The following PTPRD variants were observed in gnomAD, a reference collection of about 807,000 sequenced individuals.
The protein encoded by PTPRD is protein tyrosine phosphatase receptor type D, also known as receptor-type tyrosine-protein phosphatase delta.
In PTPRD, 34 loss-of-function variants were observed where a neutral mutation model predicts 214.5. The observed-to-expected ratio is 0.16, with a 90% confidence interval of 0.12 to 0.21. The LOEUF (loss-of-function observed/expected upper bound fraction) is 0.21, where lower values mean the gene tolerates loss of function less well. Ranked by LOEUF, PTPRD falls within the 10% of genes least tolerant of loss-of-function variation. PTPRD has a pLI of 1.00. For missense variants in PTPRD, 2,545 were observed against 2,398.7 expected (o/e 1.06, Z -1.27); for synonymous variants, 1,128 against 845.7 (o/e 1.33, Z -5.79).
At chr9:8,448,220 T>C (rs1048610740) in intron 34 of PTPRD, among the ~76,000 whole-genome samples, 10 of 151,894 alleles carry the variant, frequency 6.6e-5, no homozygotes, top group African/African-American at 2.4e-4. Context: ...CCCAGCTACT[T>C]GGGAAGCTGA....
intron 5 of PTPRD, among the ~76,000 whole-genome samples, chr9:9,930,148 G>A (rs374680776): frequency 2.0e-5 from 3 of 152,164 alleles, no homozygotes; most frequent in African/African-American, 4.8e-5. Context: ...ACAAATGAGC[G>A]CTCAAGGGAG....
At chr9:9,802,898 A>C (rs2099050637) in intron 5 of PTPRD, among the ~76,000 whole-genome samples, 2 of 151,906 alleles carry the variant, frequency 1.3e-5, no homozygotes, top group African/African-American at 4.8e-5. Context: ...CTAATAATGC[A>C]TATAATTTGA....
chr9:9,679,457 A>T (rs1433799685), intron 7 of PTPRD, among the ~76,000 whole-genome samples: 1 of 151,932 alleles, frequency 6.6e-6, no homozygotes, highest in Non-Finnish European at 1.5e-5. Flanking sequence ...ATTAGAGACC[A>T]TGTGGCACCT....
intron 33 of PTPRD, among the ~76,000 whole-genome samples, chr9:8,451,138 G>T (rs556720213): frequency 6.6e-6 from 1 of 152,284 alleles, no homozygotes; most frequent in Admixed American, 6.5e-5. Flanking sequence ...CTAACCAGGG[G>T]GTGAAGAGAA....
At chr9:9,193,079 T>A (rs1035146787) in intron 9 of PTPRD, among the ~76,000 whole-genome samples, 6 of 152,168 alleles carry the variant, frequency 3.9e-5, no homozygotes, top group Non-Finnish European at 8.8e-5. Flanking sequence ...GCATATGACC[T>A]GACTATGAAA....
At chr9:9,141,078 CTCTG>C (rs2099859583) in intron 10 of PTPRD, among the ~76,000 whole-genome samples, 1 of 151,618 alleles carries the variant, frequency 6.6e-6, no homozygotes, top group Non-Finnish European at 1.5e-5. Context: ...TTTTCTCTGT[CTCTG>C]TCTCTCTGCT....
At chr9:8,689,182 C>T (rs998341414) in intron 12 of PTPRD, among the ~76,000 whole-genome samples, 4 of 151,974 alleles carry the variant, frequency 2.6e-5, no homozygotes, top group Non-Finnish European at 4.4e-5. Flanking sequence ...AATATGATTC[C>T]ACCTCTAATT....
At chr9:9,792,245 G>A (rs116712843) in intron 5 of PTPRD, among the ~76,000 whole-genome samples, 2,981 of 151,898 alleles carry the variant, frequency 0.02, 113 homozygotes, top group African/African-American at 0.068. Flanking sequence ...TATTAGTACT[G>A]CATGTTATTT....
intron 4 of PTPRD, among the ~76,000 whole-genome samples, chr9:9,943,906 G>T (rs574405872): frequency 3.3e-5 from 5 of 152,232 alleles, no homozygotes; most frequent in Admixed American, 3.3e-4. Context: ...GCCCTAAGCT[G>T]TCCATGCTCC....
chr9:9,097,672 A>T (rs2099785550), intron 10 of PTPRD, among the ~76,000 whole-genome samples: 1 of 152,002 alleles, frequency 6.6e-6, no homozygotes, highest in African/African-American at 2.4e-5. Flanking sequence ...GGCCTCCCAA[A>T]GTGCTAGGAT....
chr9:9,102,533 T>TA (rs1269749381), intron 10 of PTPRD, among the ~76,000 whole-genome samples: 1 of 152,218 alleles, frequency 6.6e-6, no homozygotes, highest in Non-Finnish European at 1.5e-5. Context: ...TCCAAGAGCC[T>TA]AATCACCATC....
intron 4 of PTPRD, among the ~76,000 whole-genome samples, chr9:10,027,377 G>C (rs139962638): frequency 4.5e-4 from 69 of 152,248 alleles, no homozygotes; most frequent in African/African-American, 1.5e-3. Context: ...CAAGCTGTCA[G>C]GGAAACAAAG....
chr9:8,734,560 T>G (rs1411013550), intron 11 of PTPRD, among the ~76,000 whole-genome samples: 1 of 152,246 alleles, frequency 6.6e-6, no homozygotes, highest in African/African-American at 2.4e-5. Context: ...CATGAGCCTC[T>G]TTCATTTAAC....
intron 11 of PTPRD, among the ~76,000 whole-genome samples, chr9:8,760,168 T>A (rs1448901453): frequency 6.6e-6 from 1 of 152,148 alleles, no homozygotes; most frequent in African/African-American, 2.4e-5. Flanking sequence ...TGACCTCAGG[T>A]GATCCACCCA....
intron 2 of PTPRD, among the ~76,000 whole-genome samples, chr9:10,349,351 C>T (rs575536642): frequency 7.2e-5 from 11 of 152,178 alleles, no homozygotes; most frequent in Non-Finnish European, 1.3e-4. Context: ...CACACAAACA[C>T]GCACACAAAC....
intron 3 of PTPRD, among the ~76,000 whole-genome samples, chr9:10,171,347 C>T (rs1389524753): frequency 6.6e-6 from 1 of 151,840 alleles, no homozygotes; most frequent in Admixed American, 6.6e-5. Context: ...GTTCCTGATA[C>T]GAGATCTGAT....
chr9:8,984,814 C>A (rs1042229028), intron 11 of PTPRD, among the ~76,000 whole-genome samples: 5 of 152,014 alleles, frequency 3.3e-5, no homozygotes, highest in African/African-American at 9.7e-5. Context: ...ATTTATTTTA[C>A]AAAGCTTGGA....
chr9:8,698,986 A>T (rs2098003424), intron 12 of PTPRD, among the ~76,000 whole-genome samples: 1 of 152,160 alleles, frequency 6.6e-6, no homozygotes. Context: ...CAAATCCTTC[A>T]TGAGAAAACA....
intron 24 of PTPRD, 29 bp from the exon 25 acceptor site, chr9:8,499,869 T>G: frequency 6.4e-7 from 1 of 1,574,004 alleles, no homozygotes; most frequent in Non-Finnish European, 8.6e-7. Context: ...ATAAAAGAAA[T>G]TATAGGCACT....
Sources: gnomAD v4.1 joint callset for allele counts (sites outside exome capture counted in the v4.1 genomes callset) on GRCh38, gnomAD v4.1.1 for gene constraint, MANE v1.5 for transcripts, NCBI Gene and HGNC (gene_info 2026-07-23, HGNC 2026-07-21) for gene names.